Variants in KLF12 observed in about 807,000 individuals in gnomAD.
KLF12 encodes KLF transcription factor 12.
Under a neutral mutation model 37.8 loss-of-function variants are expected in KLF12, and 9 were observed. The ratio of observed to expected loss-of-function variants is 0.24; its 90% confidence interval spans 0.14 to 0.42. The LOEUF is 0.42. KLF12 is among the 10% of genes least tolerant of loss of function. The probability of loss-of-function intolerance (pLI) is 1.00; values close to 1 mark genes in which losing one functional copy is unlikely to be tolerated. For missense variants in KLF12, 411 were observed against 516.0 expected, an observed-to-expected ratio of 0.80 and a Z score of 1.97; for synonymous variants, 208 against 202.1, an observed-to-expected ratio of 1.03 and a Z score of -0.25.
At chr13:74,285,483 T>A in the KLF12 span, among the ~76,000 whole-genome samples, 1 of 152,218 alleles carries the variant, frequency 6.6e-6, no homozygotes, top group Non-Finnish European at 1.5e-5. Context: ...CTGCCACAAT[T>A]GCATAACTGC....
intron 6 of KLF12, among the ~76,000 whole-genome samples, chr13:73,726,858 T>C (rs143329294): frequency 1.3e-5 from 2 of 152,342 alleles, no homozygotes; most frequent in Non-Finnish European, 2.9e-5. Flanking sequence ...TTTTAAGGAA[T>C]TGCCAGACTG....
chr13:74,003,540 C>G (rs1287737366), intron 1 of KLF12, among the ~76,000 whole-genome samples: 1 of 152,028 alleles, frequency 6.6e-6, no homozygotes, highest in Non-Finnish European at 1.5e-5. Flanking sequence ...ATCTGTCTTA[C>G]AATGCAAAGG....
intron 3 of KLF12, among the ~76,000 whole-genome samples, chr13:73,942,690 G>A (rs1171258736): frequency 6.6e-6 from 1 of 152,072 alleles, no homozygotes; most frequent in East Asian, 1.9e-4. Context: ...CTGTGTCTTG[G>A]GCTGAATCTG....
At chr13:73,729,273 A>C (rs892280450) in intron 6 of KLF12, among the ~76,000 whole-genome samples, 9 of 152,212 alleles carry the variant, frequency 5.9e-5, no homozygotes, top group African/African-American at 7.2e-5. Flanking sequence ...ATTATTGGCC[A>C]CACACTGTCT....
the KLF12 span, among the ~76,000 whole-genome samples, chr13:74,285,631 C>T: frequency 6.6e-6 from 1 of 152,206 alleles, no homozygotes; most frequent in Admixed American, 6.5e-5. Context: ...TCTTCCCCAT[C>T]TGTAGTTACC....
chr13:74,234,200 T>C, the KLF12 span, among the ~76,000 whole-genome samples: 2 of 152,114 alleles, frequency 1.3e-5, no homozygotes, highest in Non-Finnish European at 1.5e-5. Context: ...ATGGAATACA[T>C]ATAGAAAAAT....
rs1444453299 is a variant in KLF12, at chr13:73,715,525, ACTGG to A, written c.870-4_870-1del. 1 of 1,613,158 alleles carries A rather than the reference ACTGG, an allele frequency of 6.2e-7. No individual in the cohort carries two copies. Among genetic ancestry groups the A allele is most frequent in the African/African-American group, 1.3e-5 (1 of 74,930 alleles). On this transcript the variant is annotated splice_acceptor_variant and splice_polypyrimidine_tract_variant and intron_variant, in intron 6 of 7. Transcript: ENST00000377669. LOFTEE classifies it high-confidence loss of function. ...TCTCAATACTAAATGGTGAAATTGA[ACTGG>A]AAAAAGAAAAAGTGGAGTTACACGG...
chr13:74,150,411 C>T, the KLF12 span, among the ~76,000 whole-genome samples: 2 of 152,194 alleles, frequency 1.3e-5, no homozygotes, highest in East Asian at 1.9e-4. Flanking sequence ...GAACACATTT[C>T]GTTCATGCCT....
the KLF12 span, among the ~76,000 whole-genome samples, chr13:74,263,246 C>T: frequency 3.3e-5 from 5 of 152,088 alleles, no homozygotes; most frequent in African/African-American, 1.2e-4. Flanking sequence ...TTATAGTAGC[C>T]TTGAGAAAAA....
chr13:74,264,080 T>C, the KLF12 span, among the ~76,000 whole-genome samples: 10 of 152,178 alleles, frequency 6.6e-5, no homozygotes, highest in Admixed American at 3.3e-4. Flanking sequence ...GTGTCAGTGA[T>C]CGAAGGATGA....
intron 5 of KLF12, among the ~76,000 whole-genome samples, chr13:73,771,134 G>A (rs983305308): frequency 2.0e-5 from 3 of 152,234 alleles, no homozygotes; most frequent in Middle Eastern, 6.8e-3. Flanking sequence ...TAACCTCCAG[G>A]TCTTGGTGAA....
rs1396423964 is a variant in KLF12, at chr13:73,687,630, C to G, written c.*7860G>C. ...AGAAAGGGAAGATGTTGGTATGTCC[C>G]TAAAATATCTTACTTTTTGATTGCT... On this transcript the variant is annotated 3_prime_UTR_variant, in exon 8 of 8. Coordinates refer to ENST00000377669, the MANE Select transcript of KLF12 (RefSeq NM_007249.5). The G allele has an allele frequency of 6.6e-6, 1 of 152,044 alleles. No individual in the cohort carries two copies. The highest frequency in any genetic ancestry group is 2.4e-5 in the African/African-American group (1 of 41,400). The allele number at this position is 152,044 out of a possible 1,614,324, so 9.4% of individuals were successfully genotyped here. A position where few individuals can be genotyped will look rare whatever the true frequency, so the allele number is the denominator to read the frequency against.
chr13:74,204,683 A>G, the KLF12 span, among the ~76,000 whole-genome samples: 2 of 152,110 alleles, frequency 1.3e-5, no homozygotes, highest in Admixed American at 6.6e-5. Context: ...AGATCTAAAA[A>G]CATGTTGAAG....
chr13:74,071,565 C>A (rs968552519), intron 1 of KLF12, among the ~76,000 whole-genome samples: 3 of 151,716 alleles, frequency 2.0e-5, no homozygotes, highest in South Asian at 2.1e-4. Context: ...TGGTGGCAGG[C>A]GCCTGTAGTC....
intron 2 of KLF12, among the ~76,000 whole-genome samples, chr13:73,957,096 G>A (rs545983509): frequency 9.4e-6 from 1 of 106,578 alleles, no homozygotes; most frequent in African/African-American, 3.3e-5. Flanking sequence ...GAAAGGAAAG[G>A]AAAGGAAAGA....
chr13:73,971,438 G>C (rs1376270372), intron 2 of KLF12, among the ~76,000 whole-genome samples: 2 of 152,024 alleles, frequency 1.3e-5, no homozygotes, highest in African/African-American at 4.8e-5. Flanking sequence ...CTGTTCTTAG[G>C]CAACAATGAA....
intron 3 of KLF12, among the ~76,000 whole-genome samples, chr13:73,867,566 T>C (rs1288851302): frequency 1.3e-5 from 2 of 150,596 alleles, no homozygotes; most frequent in Admixed American, 6.6e-5. Context: ...CAGTAACAGA[T>C]AGACAAAGAG....
chr13:73,893,121 C>T (rs1462916266), intron 3 of KLF12, among the ~76,000 whole-genome samples: 1 of 152,030 alleles, frequency 6.6e-6, no homozygotes, highest in Non-Finnish European at 1.5e-5. Flanking sequence ...AAAAGGCACT[C>T]TTTCAAAAAA....
At chr13:74,001,562 G>A (rs1892282636) in intron 1 of KLF12, among the ~76,000 whole-genome samples, 2 of 152,230 alleles carry the variant, frequency 1.3e-5, no homozygotes, top group Non-Finnish European at 2.9e-5. Context: ...TCAGTATGCA[G>A]TATACATATT....
Sources: gnomAD v4.1 joint callset for allele counts (sites outside exome capture counted in the v4.1 genomes callset) on GRCh38, gnomAD v4.1.1 for gene constraint, MANE v1.5 for transcripts, NCBI Gene and HGNC (gene_info 2026-07-23, HGNC 2026-07-21) for gene names.